DMD: variants seen among roughly 807,000 people sequenced by gnomAD.
DMD encodes the protein mutant dystrophin.
In DMD, 63 loss-of-function variants were observed where a neutral mutation model predicts 330.1. That is an observed-to-expected ratio of 0.19 (90% confidence interval 0.16 to 0.24). DMD has a LOEUF of 0.24. DMD is among the 10% of genes least tolerant of loss of function. The pLI is 1.00. For missense variants in DMD, 3,344 were observed against 2,684.1 expected, an observed-to-expected ratio of 1.25 and a Z score of -5.43; for synonymous variants, 1,223 against 959.8, an observed-to-expected ratio of 1.27 and a Z score of -5.07.
intron 44 of DMD, among the ~76,000 whole-genome samples, chrX:32,023,471 C>T (rs2095822556): frequency 9.0e-6 from 1 of 111,423 alleles, no homozygotes; most frequent in African/African-American, 3.3e-5. Context: ...ATGTCTCACT[C>T]TGTCAATAAA....
At chrX:32,545,732 T>C (rs1358215037) in intron 16 of DMD, among the ~76,000 whole-genome samples, 1 of 111,677 alleles carries the variant, frequency 9.0e-6, no homozygotes, top group Non-Finnish European at 1.9e-5. Context: ...CTAGAACATT[T>C]TAAATGCTTA....
intron 63 of DMD, among the ~76,000 whole-genome samples, chrX:31,240,715 C>G (rs1388529915): frequency 9.0e-6 from 1 of 111,368 alleles, no homozygotes; most frequent in African/African-American, 3.3e-5. Flanking sequence ...CATAAATTCT[C>G]AGGTTATCAT....
intron 11 of DMD, among the ~76,000 whole-genome samples, chrX:32,641,806 T>A (rs1307277715): frequency 9.0e-6 from 1 of 110,517 alleles, no homozygotes; most frequent in Non-Finnish European, 1.9e-5. Context: ...CTGTCTTAGG[T>A]AGAGAGAGAA....
rs192158430 is a variant in DMD at position 32,205,393 on chromosome X, C to G, written c.6438+11523G>C. ...ACTTTTTCTCATTTTCATGGATTTACAATTCTCTCCCTTATTTTCATATCG... is the reference window on the plus strand; with the variant it reads ...ACTTTTTCTCATTTTCATGGATTTAGAATTCTCTCCCTTATTTTCATATCG... On this transcript the variant is annotated intron_variant, in intron 44 of 78. Coordinates refer to ENST00000357033, the MANE Select transcript of DMD (RefSeq NM_004006.3). Among the ~76,000 whole-genome samples, 9 of 108,457 alleles carry G rather than the reference C, an allele frequency of 8.3e-5. No homozygotes were observed. The East Asian group carries it at 1.5e-3, about 17-fold the overall frequency. The allele number at this position is 108,457 out of a possible 115,157, so 94.2% of individuals were successfully genotyped here. A position where few individuals can be genotyped will look rare whatever the true frequency, so the allele number is the denominator to read the frequency against.
chrX:31,437,808 T>TGA (rs2064640504), intron 60 of DMD, among the ~76,000 whole-genome samples: 1 of 93,091 alleles, frequency 1.1e-5, no homozygotes, highest in African/African-American at 4.7e-5. Flanking sequence ...CTTTGCATCC[T>TGA]GATATATATA....
chrX:32,122,091 T>A (rs954828586), intron 44 of DMD, among the ~76,000 whole-genome samples: 3 of 111,413 alleles, frequency 2.7e-5, no homozygotes, highest in African/African-American at 9.8e-5. Flanking sequence ...CTTTCTTGTG[T>A]TAGTTCTGTT....
chrX:32,879,032 C>CATACAAA (rs2083650079), intron 2 of DMD, among the ~76,000 whole-genome samples: 1 of 92,935 alleles, frequency 1.1e-5, no homozygotes, highest in African/African-American at 4.1e-5. Context: ...AAACAAAAAA[C>CATACAAA]AAACAAAAAA....
intron 44 of DMD, among the ~76,000 whole-genome samples, chrX:32,061,522 G>A (rs1302807376): frequency 1.8e-5 from 2 of 111,119 alleles, no homozygotes; most frequent in Non-Finnish European, 1.9e-5. Flanking sequence ...CAAGCATATC[G>A]GCCATTCCTG....
chrX:31,826,372 A>T (rs943899639), intron 49 of DMD, among the ~76,000 whole-genome samples: 2 of 112,527 alleles, frequency 1.8e-5, no homozygotes, highest in African/African-American at 6.4e-5. Flanking sequence ...ATACTTATGA[A>T]ATGACTACAG....
chrX:32,650,314 AG>A (rs199797085), intron 9 of DMD, among the ~76,000 whole-genome samples: 2,071 of 112,196 alleles, frequency 0.018, 46 homozygotes, highest in African/African-American at 0.064. Context: ...AAATGCTTCA[AG>A]AACATTTGCA....
rs1048964446 is a variant in DMD, at chrX:31,805,513, A to C, written c.7309+14462T>G. Among the ~76,000 whole-genome samples the C allele has an allele frequency of 3.6e-5, 4 of 112,250 alleles. No individual in the cohort carries two copies. In the Admixed American group the frequency reaches 3.8e-4, roughly 11 times the overall value. On this transcript the variant is annotated intron_variant, in intron 50 of 78. Coordinates refer to ENST00000357033, the MANE Select transcript of DMD (RefSeq NM_004006.3). Reference sequence around the variant, plus strand: ...ATGGGACTTATAGTCATGAGAATTTAGAAAATCTAAGACCTAGTTATCCCC... The same window carrying C: ...ATGGGACTTATAGTCATGAGAATTTCGAAAATCTAAGACCTAGTTATCCCC...
At chrX:32,870,974 A>G (rs1460254060) in intron 2 of DMD, among the ~76,000 whole-genome samples, 9 of 78,178 alleles carry the variant, frequency 1.2e-4, no homozygotes, top group South Asian at 1.5e-3. Context: ...AAAAAAAAAA[A>G]AAAAAAAAAA....
chrX:32,455,889 T>G (rs769152518), intron 25 of DMD, among the ~76,000 whole-genome samples: 132 of 111,185 alleles, frequency 1.2e-3, no homozygotes, highest in African/African-American at 4.0e-3. Flanking sequence ...ACTAAAACTT[T>G]CTACAATGGA....
intron 44 of DMD, among the ~76,000 whole-genome samples, chrX:32,027,766 C>T (rs1417096933): frequency 8.9e-6 from 1 of 112,222 alleles, no homozygotes; most frequent in African/African-American, 3.2e-5. Flanking sequence ...TACTAAAGGA[C>T]TGATGTAGCT....
At chrX:32,622,183 A>G (rs1382444657) in intron 11 of DMD, among the ~76,000 whole-genome samples, 1 of 111,503 alleles carries the variant, frequency 9.0e-6, no homozygotes, top group Admixed American at 9.6e-5. Flanking sequence ...GTGACTGCCA[A>G]CTGCCAAAGA....
chrX:32,061,248 G>C (rs1487976194), intron 44 of DMD, among the ~76,000 whole-genome samples: 1 of 110,859 alleles, frequency 9.0e-6, no homozygotes, highest in African/African-American at 3.3e-5. Context: ...GGTCAGGCTA[G>C]TACATGTTTA....
intron 44 of DMD, among the ~76,000 whole-genome samples, chrX:32,139,149 C>T (rs1242657965): frequency 8.9e-6 from 1 of 112,248 alleles, no homozygotes; most frequent in Non-Finnish European, 1.9e-5. Context: ...GTTGGGGCAA[C>T]GATTGAGCTG....
chrX:32,518,576 T>C (rs946534097), intron 17 of DMD, among the ~76,000 whole-genome samples: 1 of 111,511 alleles, frequency 9.0e-6, no homozygotes, highest in Non-Finnish European at 1.9e-5. Flanking sequence ...TGACTTTCTA[T>C]CACAAATGGG....
intron 60 of DMD, among the ~76,000 whole-genome samples, chrX:31,432,583 T>C (rs984177294): frequency 1.8e-5 from 2 of 112,069 alleles, no homozygotes; most frequent in Non-Finnish European, 3.8e-5. Flanking sequence ...GTAGTTCCTT[T>C]AAAAAATGTC....
Sources: gnomAD v4.1 joint callset for allele counts (sites outside exome capture counted in the v4.1 genomes callset) on GRCh38, gnomAD v4.1.1 for gene constraint, MANE v1.5 for transcripts, NCBI Gene and HGNC (gene_info 2026-07-23, HGNC 2026-07-21) for gene names.